PTPRD: variants seen among roughly 807,000 people sequenced by gnomAD.
PTPRD encodes receptor-type tyrosine-protein phosphatase delta.
A neutral mutation model predicts 214.5 loss-of-function variants in PTPRD; 34 were observed. The ratio of observed to expected loss-of-function variants is 0.16; its 90% CI spans 0.12 to 0.21. The LOEUF (loss-of-function observed/expected upper bound fraction) is 0.21. Ranked by LOEUF, PTPRD falls within the 10% of genes least tolerant of loss-of-function variation. The pLI, the probability that PTPRD is intolerant of heterozygous loss-of-function variation, is 1.00. For missense variants in PTPRD, 2,545 were observed against 2,398.7 expected, an observed-to-expected ratio of 1.06 and a Z score of -1.27; for synonymous variants, 1,128 against 845.7, an observed-to-expected ratio of 1.33 and a Z score of -5.79.
intron 11 of PTPRD, among the ~76,000 whole-genome samples, chr9:8,984,500 C>T (rs2099329478): frequency 6.6e-6 from 1 of 152,006 alleles, no homozygotes; most frequent in African/African-American, 2.4e-5. Flanking sequence ...AAATTGAAAC[C>T]TAAATTATGA....
intron 35 of PTPRD, among the ~76,000 whole-genome samples, chr9:8,429,276 G>C (rs2094892709): frequency 6.6e-6 from 1 of 152,050 alleles, no homozygotes; most frequent in Admixed American, 6.5e-5. Context: ...AAAACAAGAT[G>C]AATTTGTGAC....
At chr9:10,574,824 A>T (rs981003742) in intron 2 of PTPRD, among the ~76,000 whole-genome samples, 3 of 142,912 alleles carry the variant, frequency 2.1e-5, no homozygotes, top group African/African-American at 7.5e-5. Context: ...ATATATATAT[A>T]TATATATATC....
At chr9:9,819,255 AATTACAGGTCTCTATAACGATTT>A (rs1315160601) in intron 5 of PTPRD, among the ~76,000 whole-genome samples, 22 of 152,246 alleles carry the variant, frequency 1.4e-4, no homozygotes, top group South Asian at 2.1e-4. Context: ...TATCGGCAGA[AATTACAGGTCTCTATAACGATTT>A]ATTACAGGTC....
At chr9:8,553,603 T>C (rs1593539050) in intron 14 of PTPRD, among the ~76,000 whole-genome samples, 1 of 152,276 alleles carries the variant, frequency 6.6e-6, no homozygotes, top group African/African-American at 2.4e-5. Flanking sequence ...AGAGGGGAAC[T>C]GGAGTATACC....
intron 12 of PTPRD, among the ~76,000 whole-genome samples, chr9:8,710,687 T>A (rs188943191): frequency 6.6e-6 from 1 of 152,262 alleles, no homozygotes; most frequent in South Asian, 2.1e-4. Context: ...CTTTCATAAT[T>A]ATAAATGAGT....
At chr9:10,523,252 C>T (rs1350827564) in intron 2 of PTPRD, among the ~76,000 whole-genome samples, 1 of 152,032 alleles carries the variant, frequency 6.6e-6, no homozygotes, top group Non-Finnish European at 1.5e-5. Context: ...TATGAAATCA[C>T]GTAACAAATG....
chr9:9,790,248 T>C (rs938120659), intron 5 of PTPRD, among the ~76,000 whole-genome samples: 1 of 152,184 alleles, frequency 6.6e-6, no homozygotes, highest in African/African-American at 2.4e-5. Flanking sequence ...ATTGGACAAT[T>C]TTTCTTAAAT....
intron 11 of PTPRD, among the ~76,000 whole-genome samples, chr9:8,798,156 T>C (rs538171438): frequency 1.1e-4 from 17 of 152,306 alleles, no homozygotes; most frequent in Non-Finnish European, 2.4e-4. Flanking sequence ...TAAGTATACA[T>C]CTATGGATCA....
At chr9:9,086,927 A>C (rs2099767906) in intron 10 of PTPRD, among the ~76,000 whole-genome samples, 1 of 152,194 alleles carries the variant, frequency 6.6e-6, no homozygotes, top group African/African-American at 2.4e-5. Context: ...AAAGCCAAAG[A>C]AACAGATGCC....
chr9:9,147,622 T>C (rs535132519), intron 10 of PTPRD, among the ~76,000 whole-genome samples: 4 of 152,318 alleles, frequency 2.6e-5, no homozygotes, highest in African/African-American at 9.6e-5. Context: ...CATAATTATT[T>C]GTTTACCTAT....
intron 3 of PTPRD, among the ~76,000 whole-genome samples, chr9:10,332,652 A>C (rs2154435272): frequency 6.6e-6 from 1 of 151,984 alleles, no homozygotes; most frequent in South Asian, 2.1e-4. Context: ...CTCAGTAGGT[A>C]CTAATACTAA....
At chr9:8,377,374 C>A (rs903826937) in intron 37 of PTPRD, among the ~76,000 whole-genome samples, 3 of 151,912 alleles carry the variant, frequency 2.0e-5, no homozygotes, top group Admixed American at 1.3e-4. Flanking sequence ...TAAAATTCAT[C>A]CAAGATGAAT....
At chr9:9,842,326 A>G (rs910479523) in intron 5 of PTPRD, among the ~76,000 whole-genome samples, 19 of 36,922 alleles carry the variant, frequency 5.1e-4, no homozygotes, top group African/African-American at 1.4e-3. Flanking sequence ...TTTTTTTGTC[A>G]TGGACACCAA....
At chr9:8,393,150 C>T (rs150405346) in intron 36 of PTPRD, among the ~76,000 whole-genome samples, 1 of 152,086 alleles carries the variant, frequency 6.6e-6, no homozygotes, top group African/African-American at 2.4e-5. Context: ...GTGACTTTCT[C>T]TAAGTAGTGC....
intron 7 of PTPRD, among the ~76,000 whole-genome samples, chr9:9,688,844 A>G (rs1405863872): frequency 6.6e-6 from 1 of 151,878 alleles, no homozygotes; most frequent in African/African-American, 2.4e-5. Flanking sequence ...ATTTAAAAAA[A>G]ACAAAGCTAA....
chr9:10,142,633 T>C (rs1223437644), intron 3 of PTPRD, among the ~76,000 whole-genome samples: 1 of 148,674 alleles, frequency 6.7e-6, no homozygotes, highest in African/African-American at 2.5e-5. Flanking sequence ...CAACAGGTGC[T>C]GGAGAGGATG....
chr9:9,594,624 G>A (rs545556738), intron 7 of PTPRD, among the ~76,000 whole-genome samples: 26 of 152,002 alleles, frequency 1.7e-4, no homozygotes, highest in Non-Finnish European at 3.1e-4. Flanking sequence ...CTGTCCCATT[G>A]GTCTGTGTGC....
At chr9:8,882,118 C>G (rs1054654305) in intron 11 of PTPRD, among the ~76,000 whole-genome samples, 31 of 152,292 alleles carry the variant, frequency 2.0e-4, no homozygotes, top group African/African-American at 6.3e-4. Context: ...CAAGAACCAA[C>G]AAGGTCTTCT....
At chr9:10,030,399 A>C (rs892434200) in intron 4 of PTPRD, among the ~76,000 whole-genome samples, 2 of 152,192 alleles carry the variant, frequency 1.3e-5, no homozygotes, top group African/African-American at 4.8e-5. Context: ...TAAGCAGCTA[A>C]TGTGCTATCG....
Sources: gnomAD v4.1 joint callset for allele counts (sites outside exome capture counted in the v4.1 genomes callset) on GRCh38, gnomAD v4.1.1 for gene constraint, MANE v1.5 for transcripts, NCBI Gene and HGNC (gene_info 2026-07-23, HGNC 2026-07-21) for gene names.